The following ACSL5 variants were observed in gnomAD, a reference collection of about 807,000 sequenced individuals.
ACSL5 encodes long-chain-fatty-acid--CoA ligase 5.
Under a neutral mutation model 84.9 loss-of-function variants are expected in ACSL5, and 50 were observed. That is an observed-to-expected ratio of 0.59 (90% CI 0.47 to 0.75). The LOEUF is 0.75. Among genes scored for constraint, ACSL5 ranks in the 30% least tolerant of loss-of-function variants. ACSL5 has a pLI of 0.00. For missense variants in ACSL5, 775 were observed against 830.4 expected (o/e 0.93, Z 0.82); for synonymous variants, 280 against 300.7 (o/e 0.93, Z 0.71).
At chr10:112,378,957 A>G (rs528216342) in intron 1 of ACSL5, among the ~76,000 whole-genome samples, 1 of 152,262 alleles carries the variant, frequency 6.6e-6, no homozygotes, top group East Asian at 1.9e-4. Context: ...TTCTTTGGGG[A>G]AGCTGGTGGA....
At chr10:112,376,253 C>T (rs1041787659) in intron 1 of ACSL5, 25 of 1,603,896 alleles carry the variant, frequency 1.6e-5, no homozygotes, top group Non-Finnish European at 2.0e-5. Context: ...TGGCCTGACT[C>T]GGGACAGCTC....
intron 3 of ACSL5, among the ~76,000 whole-genome samples, chr10:112,401,772 CTT>C (rs1333151831): frequency 5.9e-5 from 9 of 151,558 alleles, no homozygotes; most frequent in Non-Finnish European, 1.2e-4. Flanking sequence ...TTCTTTCTTT[CTT>C]TTTCTTTCTT....
At chr10:112,410,428 T>A in intron 7 of ACSL5, 35 bp from the exon 8 acceptor site, 1 of 1,613,528 alleles carries the variant, frequency 6.2e-7, no homozygotes, top group East Asian at 2.2e-5. Flanking sequence ...CCATCTCAAC[T>A]AATGTCTTTC....
At chr10:112,385,192 C>T (rs539551031) in intron 1 of ACSL5, among the ~76,000 whole-genome samples, 12 of 152,182 alleles carry the variant, frequency 7.9e-5, no homozygotes, top group African/African-American at 2.2e-4. Context: ...ATCATGGTGA[C>T]AGCCTTAGAA....
intron 3 of ACSL5, among the ~76,000 whole-genome samples, chr10:112,403,289 C>T (rs572465807): frequency 6.6e-6 from 1 of 152,238 alleles, no homozygotes; most frequent in East Asian, 1.9e-4. Context: ...AAAATATTTT[C>T]GTTTTGTTTT....
At position 112,394,790 on chromosome 10, in the gene ACSL5, G is replaced by T. The variant is rs1843709009; in HGVS notation, c.-29-128G>T. On this transcript the variant is annotated intron_variant, in intron 1 of 20. Transcript: ENST00000354655. ...ACTAGAGAGGTACAACTGTGTTTGA[G>T]GGTTTGAAGGCGTGCGCGCGTGTGT... The T allele has an allele frequency of 4.0e-6, 6 of 1,496,070 alleles. No individual in the cohort carries two copies. The South Asian group carries it at 5.5e-5, about 14-fold the overall frequency. 92.7% of individuals were successfully genotyped at this position (1,496,070 alleles called of 1,614,324 possible). A position where few individuals can be genotyped will look rare whatever the true frequency, so the allele number is the denominator to read the frequency against.
chr10:112,394,356 G>A (rs1234257181), intron 1 of ACSL5, among the ~76,000 whole-genome samples: 3 of 152,144 alleles, frequency 2.0e-5, no homozygotes, highest in Non-Finnish European at 2.9e-5. Context: ...AAATCCTTCC[G>A]ATGCTCCAAA....
chr10:112,417,988 A>C, intron 14 of ACSL5, 47 bp downstream of exon 14: 3 of 1,400,570 alleles, frequency 2.1e-6, no homozygotes, highest in South Asian at 2.6e-5. Context: ...ACTTTTGCAC[A>C]AACAGGCTCA....
chr10:112,379,035 T>A (rs1360190635), intron 1 of ACSL5, among the ~76,000 whole-genome samples: 1 of 152,122 alleles, frequency 6.6e-6, no homozygotes, highest in Non-Finnish European at 1.5e-5. Flanking sequence ...AGTTGAGGAT[T>A]TGAGGTCTGG....
intron 1 of ACSL5, among the ~76,000 whole-genome samples, chr10:112,389,838 T>C (rs941951164): frequency 6.6e-6 from 1 of 152,218 alleles, no homozygotes; most frequent in Non-Finnish European, 1.5e-5. Context: ...CTTAGTTTCT[T>C]CCACTTAAAC....
intron 1 of ACSL5, among the ~76,000 whole-genome samples, chr10:112,383,888 C>T (rs1011580238): frequency 6.6e-6 from 1 of 151,870 alleles, no homozygotes. Context: ...GACTACGCTA[C>T]GCCTCCCTAA....
chr10:112,428,368 T>C lies in ACSL5; in HGVS notation c.*1010T>C, dbSNP rs1426479376. The C allele has an allele frequency of 5.0e-6, 2 of 398,426 alleles. No individual in the cohort carries two copies. Among genetic ancestry groups the C allele is most frequent in the Non-Finnish European group, 8.8e-6 (2 of 226,030 alleles). 24.7% of individuals were successfully genotyped at this position (398,426 alleles called of 1,614,324 possible). On this transcript the variant is annotated 3_prime_UTR_variant, in exon 21 of 21. Coordinates refer to ENST00000354655, the MANE Select transcript of ACSL5 (RefSeq NM_203379.2). ...AATGTAAAGTCTTTAAAATAAACTA[T>C]TACAGATACTTACGTTGTGGTGTTT...
At chr10:112,376,492 G>T (rs777011040) in intron 1 of ACSL5, 4 of 1,613,138 alleles carry the variant, frequency 2.5e-6, no homozygotes, top group Non-Finnish European at 3.4e-6. Context: ...AGGGGGTCTT[G>T]TGAGGGTGTG....
At chr10:112,401,223 T>C (rs1843880708) in intron 3 of ACSL5, among the ~76,000 whole-genome samples, 1 of 151,892 alleles carries the variant, frequency 6.6e-6, no homozygotes, top group Admixed American at 6.6e-5. Context: ...CTCAAAAAAA[T>C]AAAAAAAGAA....
chr10:112,395,695 G>A (rs933067053), intron 2 of ACSL5: 1 of 152,354 alleles, frequency 6.6e-6, no homozygotes, highest in African/African-American at 2.4e-5. Flanking sequence ...GTATCTATGA[G>A]CAAATTGAAA....
intron 3 of ACSL5, among the ~76,000 whole-genome samples, chr10:112,403,452 A>C (rs1007643895): frequency 6.6e-6 from 1 of 152,056 alleles, no homozygotes; most frequent in African/African-American, 2.4e-5. Flanking sequence ...GCACCCAGCT[A>C]ATTTTGTATT....
rs529869147 is a variant in ACSL5 at position 112,421,332 on chromosome 10, T to G, written c.1315-261T>G. On this transcript the variant is annotated intron_variant, in intron 14 of 20. Transcript: ENST00000354655. ...TGCCATCATGCCCAGCTAATTTTTT[T>G]TGTGTTTTTGTAGAGATGGGGTTTC... 6.6e-5 allele frequency among the ~76,000 whole-genome samples: 10 copies of G among 151,854 alleles called. No individual in the cohort carries two copies. In the South Asian group the frequency reaches 1.2e-3, roughly 19 times the overall value.
chr10:112,411,258 C>T (rs1030434807), intron 9 of ACSL5, 198 bp from the exon 10 acceptor site: 60 of 579,766 alleles, frequency 1.0e-4, no homozygotes, highest in Admixed American at 3.1e-4. Flanking sequence ...AGAAGGCCAA[C>T]GATGCATTCA....
Position 112,417,028 on chromosome 10 carries a change from T to A in ACSL5, c.1218+6T>A. ...TCATCTTTGCAAAGATCCAGGTAGG[T>A]TGGGCAGGTCCTGGACTGAAGCAGG... is the stretch of plus-strand genomic sequence containing the variant. On this transcript the variant is annotated splice_donor_region_variant and intron_variant, in intron 13 of 20. Transcript: ENST00000354655. The A allele has an allele frequency of 6.2e-7, 1 of 1,613,424 alleles. No individual in the cohort carries two copies. The highest frequency in any genetic ancestry group is 8.5e-7 in the Non-Finnish European group (1 of 1,179,552).
Sources: gnomAD v4.1 joint callset for allele counts (sites outside exome capture counted in the v4.1 genomes callset) on GRCh38, gnomAD v4.1.1 for gene constraint, MANE v1.5 for transcripts, NCBI Gene and HGNC (gene_info 2026-07-23, HGNC 2026-07-21) for gene names.